The following MYL7 variants were observed in gnomAD, a reference collection of about 807,000 sequenced individuals.
The protein encoded by MYL7 is myosin regulatory light chain 2, atrial isoform.
A neutral mutation model predicts 22.5 loss-of-function variants in MYL7; 27 were observed. That is an observed-to-expected ratio of 1.20 (90% CI 0.89 to 1.66). MYL7 has a LOEUF of 1.66. Among genes scored for constraint, MYL7 ranks in the 40% most tolerant of loss-of-function variants. The probability of loss-of-function intolerance (pLI) is 0.00; values close to 1 mark genes in which losing one functional copy is unlikely to be tolerated. For missense variants in MYL7, 209 were observed against 226.8 expected, an observed-to-expected ratio of 0.92 and a Z score of 0.50; for synonymous variants, 81 against 84.4, an observed-to-expected ratio of 0.96 and a Z score of 0.22.
At chr7:44,139,738 T>C in intron 5 of MYL7, 44 bp downstream of exon 5, 1 of 1,608,396 alleles carries the variant, frequency 6.2e-7, no homozygotes, top group South Asian at 1.1e-5. Context: ...CCCCGCTCTC[T>C]GCTTCCACCA....
At position 44,138,894 on chromosome 7, in the gene MYL7, GC is replaced by G. The variant is rs761867851; in HGVS notation, c.*26del. The G allele has an allele frequency of 4.2e-5, 66 of 1,578,044 alleles. No individual in the cohort carries two copies. The highest frequency in any genetic ancestry group is 5.2e-5 in the Non-Finnish European group (60 of 1,147,610). Reference sequence around the variant, plus strand: ...ATTTTGCAACAGAGTTTATTGAGGTGCCCCCCCGTGGGCCTGGCCCTGCCCC... The same window carrying G: ...ATTTTGCAACAGAGTTTATTGAGGTGCCCCCCGTGGGCCTGGCCCTGCCCC... On this transcript the variant is annotated 3_prime_UTR_variant, in exon 7 of 7. Transcript: ENST00000223364.
intron 6 of MYL7, 73 bp from the exon 7 acceptor site, chr7:44,139,095 G>A: frequency 8.3e-7 from 1 of 1,198,468 alleles, no homozygotes; most frequent in Non-Finnish European, 1.2e-6. Context: ...CCTGAGTCCT[G>A]TGGCCTTTCT....
At chr7:44,141,108 C>G (rs1458948687) in intron 1 of MYL7, 34 bp from the exon 2 acceptor site, 11 of 1,606,820 alleles carry the variant, frequency 6.8e-6, no homozygotes, top group Non-Finnish European at 8.5e-6. Flanking sequence ...GGTCCTCTCC[C>G]CAACTCCTCA....
chr7:44,140,566 G>C (rs966316656), intron 3 of MYL7, 139 bp from the exon 4 acceptor site: 1 of 1,127,488 alleles, frequency 8.9e-7, no homozygotes, highest in Non-Finnish European at 1.3e-6. Flanking sequence ...GTGGAAGCAA[G>C]GCGTGACAAG....
chr7:44,139,889 T>A, intron 4 of MYL7, 29 bp from the exon 5 acceptor site: 1 of 1,579,116 alleles, frequency 6.3e-7, no homozygotes, highest in South Asian at 1.2e-5. Flanking sequence ...CAGGTGAGCA[T>A]CCATGTCTCC....
rs1290078416 is a variant in MYL7 at position 44,138,971 on chromosome 7, A to G, written c.478T>C (p.Tyr160His). 6.2e-7 allele frequency: 1 copy of G among 1,614,138 alleles called. No individual in the cohort carries two copies. The highest frequency in any genetic ancestry group is 8.5e-7 in the Non-Finnish European group (1 of 1,180,010). The change falls in exon 7 of 7, where the codon TAC (tyrosine) becomes CAC (histidine). Residue 160 changes from tyrosine (Y) to histidine (H), a missense_variant. Transcript: ENST00000223364. ...TPMDLAGNID[Y>H]KSLCYIITHG... ...GTGATGATGTAGCACAGTGACTTGT[A>G]GTCGATGTTCCCCGCCAGGTCCATG...
chr7:44,140,726 G>T lies in MYL7; in HGVS notation c.179C>A (p.Thr60Asn). 6.2e-7 allele frequency: 1 copy of T among 1,610,054 alleles called. No homozygotes were observed. The highest frequency in any genetic ancestry group is 1.7e-4 in the Middle Eastern group (1 of 6,044). The change falls in exon 3 of 7, where the codon ACC becomes AAC. Residue 60 changes from threonine to asparagine, a missense_variant. Thr to Asn is a moderately conservative substitution (Grantham distance 65). Coordinates refer to ENST00000223364, the MANE Select transcript of MYL7 (RefSeq NM_021223.3). Reference sequence around the variant, plus strand: ...GGTGCACGCACCCAGCTGGGAGTAGGTCTCCCTCAGGTCTGCCTTGCAGAT... The same window carrying T: ...GGTGCACGCACCCAGCTGGGAGTAGTTCTCCCTCAGGTCTGCCTTGCAGAT... ...GIICKADLRE[T>N]YSQLGKVSVP...
At position 44,140,742 on chromosome 7, in the gene MYL7, C is replaced by A; in HGVS notation, c.163G>T (p.Ala55Ser). The change falls in exon 3 of 7, where the codon GCA becomes TCA. Residue 55 changes from alanine to serine, a missense_variant. Ala to Ser is a moderately conservative substitution (Grantham distance 99). Coordinates refer to ENST00000223364, the MANE Select transcript of MYL7 (RefSeq NM_021223.3). Reference sequence around the variant, plus strand: ...TGGGAGTAGGTCTCCCTCAGGTCTGCCTTGCAGATGATGCCATCACGATTC... The same window carrying A: ...TGGGAGTAGGTCTCCCTCAGGTCTGACTTGCAGATGATGCCATCACGATTC... ...DQNRDGIICK[A>S]DLRETYSQLG... The A allele has an allele frequency of 1.2e-6, 2 of 1,612,360 alleles. No individual in the cohort carries two copies. Among genetic ancestry groups the A allele is most frequent in the Non-Finnish European group, 1.7e-6 (2 of 1,179,282 alleles).
chr7:44,141,064 T>A lies in MYL7; in HGVS notation c.14A>T (p.Lys5Met). MASR[K>M]AGTRGKVAAT... is the part of the protein sequence containing the mutation. ...TGCCACCTTGCCCCGGGTCCCCGCC[T>A]TCCTGCTGGCCTGCAACACTGTGAG... The change falls in exon 2 of 7, where the codon AAG becomes ATG. Residue 5 changes from lysine (K) to methionine (M), a missense_variant. Transcript: ENST00000223364. The A allele has an allele frequency of 6.2e-7, 1 of 1,613,966 alleles. No individual in the cohort carries two copies. The highest frequency in any genetic ancestry group is 8.5e-7 in the Non-Finnish European group (1 of 1,179,934).
chr7:44,139,070 C>A (rs1389743449), intron 6 of MYL7, 48 bp from the exon 7 acceptor site: 1 of 1,439,326 alleles, frequency 6.9e-7, no homozygotes, highest in Non-Finnish European at 9.8e-7. Context: ...CTGGCCCAGC[C>A]CGGCAGAGAC....
At chr7:44,140,214 TG>T in intron 4 of MYL7, 108 bp downstream of exon 4, 1 of 886,966 alleles carries the variant, frequency 1.1e-6, no homozygotes, top group Non-Finnish European at 1.8e-6. Context: ...AGGGTTCAGG[TG>T]GGGTTCATGT....
chr7:44,140,400 A>G lies in MYL7; in HGVS notation c.221T>C (p.Leu74Pro), dbSNP rs1261318681. ...CTTGCCCTCTTGCAGCATGGCGTCC[A>G]GCTCCTCCTCTGGGACACTCACCTT... ...LGKVSVPEEE[L>P]DAMLQEGKGP... Residue 74 changes from leucine (L) to proline (P), a missense_variant, in exon 4 of 7, where the codon CTG (leucine) becomes CCG (proline). Transcript: ENST00000223364. The G allele has an allele frequency of 1.9e-6, 3 of 1,613,754 alleles. No individual in the cohort carries two copies. Among genetic ancestry groups the G allele is most frequent in the Non-Finnish European group, 2.5e-6 (3 of 1,179,958 alleles).
chr7:44,141,146 C>G (rs1307719816), intron 1 of MYL7, 72 bp from the exon 2 acceptor site: 3 of 1,574,640 alleles, frequency 1.9e-6, no homozygotes, highest in Admixed American at 3.4e-5. Flanking sequence ...CCATCATGCA[C>G]AGTCCCAGAG....
At chr7:44,141,171 C>T (rs1469900057) in intron 1 of MYL7, 97 bp from the exon 2 acceptor site, 3 of 1,570,308 alleles carry the variant, frequency 1.9e-6, no homozygotes, top group Non-Finnish European at 1.8e-6. Context: ...CCCAGGAGAG[C>T]CAGGGCCAGG....
intron 3 of MYL7, 41 bp from the exon 4 acceptor site, chr7:44,140,468 G>C: frequency 1.4e-6 from 2 of 1,450,272 alleles, no homozygotes; most frequent in South Asian, 1.2e-5. Context: ...GGGACCCTGG[G>C]TGTCCCCCAG....
intron 6 of MYL7, 85 bp downstream of exon 6, chr7:44,139,436 C>A (rs1448111906): frequency 6.8e-7 from 1 of 1,461,580 alleles, no homozygotes; most frequent in East Asian, 2.3e-5. Flanking sequence ...CCAGCAACTG[C>A]CTCACTGGTA....
At chr7:44,140,676 AC>A in intron 3 of MYL7, 35 bp downstream of exon 3, 1 of 1,564,266 alleles carries the variant, frequency 6.4e-7, no homozygotes, top group Non-Finnish European at 8.7e-7. Flanking sequence ...CAGAGTAGGG[AC>A]CCCAGTGCGC....
chr7:44,139,545 C>T lies in MYL7; in HGVS notation c.402G>A (p.Gln134=), dbSNP rs774762149. ...CCTCAGCTGGAGAGAACTTGTCTGCCTGGGTCAGGAGAAGCTGCTTGAACC... is the reference window on the plus strand; with the variant it reads ...CCTCAGCTGGAGAGAACTTGTCTGCTTGGGTCAGGAGAAGCTGCTTGAACC... ...KDEFKQLLLT[Q]ADKFSPAEVE... Residue 134 remains glutamine (Q), a synonymous_variant, in exon 6 of 7, where the codon CAG becomes CAA. Transcript: ENST00000223364. The T allele has an allele frequency of 5.1e-5, 82 of 1,611,508 alleles. 1 individual carries two copies. In the South Asian group the frequency reaches 8.9e-4, roughly 18 times the overall value.
chr7:44,140,947 G>A lies in MYL7; in HGVS notation c.117+14C>T, dbSNP rs1257634279. Reference sequence around the variant, plus strand: ...CCAGGATGGGATCTGAGGCTACTGGGAGTGGGCACTCACTTCTTTGAACTC... The same window carrying A: ...CCAGGATGGGATCTGAGGCTACTGGAAGTGGGCACTCACTTCTTTGAACTC... On this transcript the variant is annotated intron_variant, in intron 2 of 6. Transcript: ENST00000223364. The A allele has an allele frequency of 1.2e-6, 2 of 1,609,650 alleles. No homozygotes were observed. The highest frequency in any genetic ancestry group is 1.3e-5 in the African/African-American group (1 of 74,648).
Sources: allele counts gnomAD v4.1 joint callset, GRCh38; gene constraint gnomAD v4.1.1; transcripts MANE v1.5; gene names NCBI Gene and HGNC (gene_info 2026-07-23, HGNC 2026-07-21).